The following PSPC1 variants were observed in gnomAD, a reference collection of about 807,000 sequenced individuals.
PSPC1 encodes paraspeckle component 1.
PSPC1 carries 14 observed loss-of-function variants against 51.6 expected under a neutral mutation model. The ratio of observed to expected loss-of-function variants is 0.27; its 90% CI spans 0.18 to 0.42. PSPC1 has a LOEUF of 0.42. Among genes scored for constraint, PSPC1 ranks in the 10% least tolerant of loss-of-function variants. The pLI is 1.00. For missense variants in PSPC1, 406 were observed against 701.1 expected (o/e 0.58, Z 4.75); for synonymous variants, 193 against 231.9 (o/e 0.83, Z 1.53).
intron 6 of PSPC1, among the ~76,000 whole-genome samples, chr13:19,688,760 TCAAG>T (rs1162998666): frequency 6.6e-6 from 1 of 152,166 alleles, no homozygotes; most frequent in East Asian, 1.9e-4. Flanking sequence ...CTAACTCAGC[TCAAG>T]CAATCTAGGC....
At chr13:19,706,909 G>A (rs753200915) in intron 7 of PSPC1, among the ~76,000 whole-genome samples, 4 of 152,072 alleles carry the variant, frequency 2.6e-5, no homozygotes, top group East Asian at 3.8e-4. Flanking sequence ...CAGAAACCTA[G>A]CAAATTCATA....
chr13:19,716,969 C>T (rs926167496), intron 6 of PSPC1, among the ~76,000 whole-genome samples: 4 of 152,192 alleles, frequency 2.6e-5, no homozygotes, highest in Non-Finnish European at 5.9e-5. Context: ...GCAGGCAGAT[C>T]ACCTGAGGTC....
chr13:19,759,229 A>G (rs949570860), intron 3 of PSPC1, 94 bp downstream of exon 3: 45 of 952,072 alleles, frequency 4.7e-5, no homozygotes, highest in Non-Finnish European at 7.3e-5. Context: ...GATTATATAA[A>G]TAAACAGAAC....
chr13:19,736,510 C>T (rs1007451911), intron 5 of PSPC1, among the ~76,000 whole-genome samples: 2 of 151,786 alleles, frequency 1.3e-5, no homozygotes, highest in Admixed American at 6.6e-5. Context: ...AGTGAAACCC[C>T]ATCTCTACTA....
intron 1 of PSPC1, among the ~76,000 whole-genome samples, chr13:19,781,251 C>A (rs939956252): frequency 6.6e-6 from 1 of 151,930 alleles, no homozygotes; most frequent in Non-Finnish European, 1.5e-5. Context: ...GATCTCAGCT[C>A]ACTGCAGCCT....
At chr13:19,755,214 C>A (rs7993906) in intron 3 of PSPC1, among the ~76,000 whole-genome samples, 94,879 of 150,306 alleles carry the variant, frequency 0.63, 33,877 homozygotes, top group East Asian at 0.89. Flanking sequence ...GCAGTCTGGG[C>A]AACAGGGCCA....
chr13:19,677,126 G>A (rs184513613), intron 7 of PSPC1, among the ~76,000 whole-genome samples: 373 of 151,870 alleles, frequency 2.5e-3, no homozygotes, highest in Admixed American at 4.8e-3. Flanking sequence ...CCAGCTACTC[G>A]GGAGGCTGAG....
At chr13:19,730,952 A>AAAAAAAAAAC (rs1883990398) in intron 5 of PSPC1, among the ~76,000 whole-genome samples, 1 of 31,340 alleles carries the variant, frequency 3.2e-5, no homozygotes, top group African/African-American at 5.1e-5. Context: ...CTCAGAAAAA[A>AAAAAAAAAAC]AAAACAAAAA....
intron 2 of PSPC1, among the ~76,000 whole-genome samples, chr13:19,771,476 C>A (rs1888621806): frequency 1.3e-5 from 2 of 152,058 alleles, no homozygotes; most frequent in South Asian, 4.1e-4. Flanking sequence ...CACTCGGTCA[C>A]CTAGGCTGGA....
At chr13:19,730,444 T>C (rs1378257163) in intron 5 of PSPC1, 100 bp from the exon 6 acceptor site, 41 of 1,071,118 alleles carry the variant, frequency 3.8e-5, no homozygotes, top group Non-Finnish European at 5.7e-6. Flanking sequence ...AATCATATTA[T>C]GCCAAACCTG....
chr13:19,748,509 A>G (rs1406779168), intron 4 of PSPC1, among the ~76,000 whole-genome samples: 1 of 152,232 alleles, frequency 6.6e-6, no homozygotes, highest in Non-Finnish European at 1.5e-5. Flanking sequence ...CTCTACTTCA[A>G]ACATCAAAAT....
chr13:19,779,993 GT>G (rs1889741534), intron 1 of PSPC1, among the ~76,000 whole-genome samples: 1 of 120,954 alleles, frequency 8.3e-6, no homozygotes. Context: ...CAGCCGCCCC[GT>G]CCGGGAGGGA....
chr13:19,738,842 C>G (rs1340149487), intron 5 of PSPC1, among the ~76,000 whole-genome samples: 1 of 150,824 alleles, frequency 6.6e-6, no homozygotes, highest in Admixed American at 6.6e-5. Flanking sequence ...GGAGGCGAAG[C>G]TTGCAGTGAG....
At chr13:19,771,971 TAA>T (rs1164079905) in intron 2 of PSPC1, among the ~76,000 whole-genome samples, 1 of 152,188 alleles carries the variant, frequency 6.6e-6, no homozygotes, top group Non-Finnish European at 1.5e-5. Flanking sequence ...AGGATTACCT[TAA>T]GTTTATAGAT....
At chr13:19,768,419 G>C (rs1033574696) in intron 2 of PSPC1, among the ~76,000 whole-genome samples, 1 of 151,136 alleles carries the variant, frequency 6.6e-6, no homozygotes, top group South Asian at 2.1e-4. Flanking sequence ...AGGCTGAGGC[G>C]GGCGGATCAC....
downstream of PSPC1, among the ~76,000 whole-genome samples, chr13:19,699,953 G>T (rs1356330291): frequency 3.3e-5 from 5 of 151,942 alleles, no homozygotes; most frequent in South Asian, 1.0e-3. Flanking sequence ...TTACTCCCCA[G>T]GAACTTCCTT....
chr13:19,706,120 A>T (rs1055207335), intron 7 of PSPC1, among the ~76,000 whole-genome samples: 1 of 152,188 alleles, frequency 6.6e-6, no homozygotes, highest in African/African-American at 2.4e-5. Flanking sequence ...ATTATTTTGT[A>T]ATAGCAGGCT....
chr13:19,695,501 AAAG>A (rs1231470213), intron 6 of PSPC1, among the ~76,000 whole-genome samples: 4 of 152,196 alleles, frequency 2.6e-5, no homozygotes, highest in Admixed American at 1.3e-4. Context: ...CCAAGAAACA[AAAG>A]AAGTAGTCTT....
At chr13:19,771,054 T>TGAGTAGCTGGGACTACAGCGC (rs1888575548) in intron 2 of PSPC1, among the ~76,000 whole-genome samples, 1 of 152,134 alleles carries the variant, frequency 6.6e-6, no homozygotes, top group Admixed American at 6.6e-5. Context: ...CTCAGCCTCC[T>TGAGTAGCTGGGACTACAGCGC]GAGTAGCTGG....
Sources: gnomAD v4.1 joint callset for allele counts (sites outside exome capture counted in the v4.1 genomes callset) on GRCh38, gnomAD v4.1.1 for gene constraint, MANE v1.5 for transcripts, NCBI Gene and HGNC (gene_info 2026-07-23, HGNC 2026-07-21) for gene names.